Variants in CFAP263 observed in about 807,000 individuals in gnomAD.
CFAP263 encodes the protein cilia and flagella associated protein 263.
chr16:58,282,063 C>A, the CFAP263 span: 1 of 147,622 alleles, frequency 6.8e-6, no homozygotes, highest in Admixed American at 6.9e-5. Flanking sequence ...TGCTGGAGTG[C>A]AGTGGCATGA....
chr16:58,249,954 G>C, the CFAP263 span: 17 of 1,162,860 alleles, frequency 1.5e-5, no homozygotes, highest in South Asian at 2.1e-4. Context: ...AGTGACGCGT[G>C]GCCGCCGGCA....
the CFAP263 span, chr16:58,258,320 T>C: frequency 6.3e-7 from 1 of 1,586,486 alleles, no homozygotes; most frequent in African/African-American, 1.4e-5. Flanking sequence ...AGACACATCC[T>C]TGAAGATTGC....
chr16:58,253,124 T>TC, the CFAP263 span, among the ~76,000 whole-genome samples: 5 of 152,202 alleles, frequency 3.3e-5, no homozygotes, highest in Non-Finnish European at 7.3e-5. Flanking sequence ...CTTAGGCCTG[T>TC]CCCAGTGCTT....
the CFAP263 span, chr16:58,252,849 C>G: frequency 6.2e-7 from 1 of 1,613,588 alleles, no homozygotes; most frequent in Non-Finnish European, 8.5e-7. Flanking sequence ...GCAGATTATG[C>G]ACAGGTACAC....
the CFAP263 span, chr16:58,258,278 C>A: frequency 1.7e-6 from 2 of 1,157,510 alleles, no homozygotes; most frequent in Non-Finnish European, 2.5e-6. Context: ...TTTTGGGACA[C>A]AAAGAGGCCT....
At chr16:58,259,424 G>C in the CFAP263 span, among the ~76,000 whole-genome samples, 1 of 152,116 alleles carries the variant, frequency 6.6e-6, no homozygotes, top group Admixed American at 6.6e-5. Flanking sequence ...AGGAGAATTT[G>C]GGGGGTAACC....
At chr16:58,266,387 A>ATATATG in the CFAP263 span, among the ~76,000 whole-genome samples, 2 of 29,906 alleles carry the variant, frequency 6.7e-5, no homozygotes, top group South Asian at 2.5e-3. Flanking sequence ...ATATATATAT[A>ATATATG]TATATATATA....
chr16:58,258,671 T>G, the CFAP263 span: 16 of 684,130 alleles, frequency 2.3e-5, no homozygotes, highest in Non-Finnish European at 4.0e-5. Flanking sequence ...TGAAAGTGTA[T>G]GTGTATATGC....
At chr16:58,250,100 T>C in the CFAP263 span, 6 of 1,584,090 alleles carry the variant, frequency 3.8e-6, no homozygotes, top group Middle Eastern at 5.0e-4. Flanking sequence ...CTGTGCGGGC[T>C]GGTGGAGGAG....
chr16:58,280,902 A>G, the CFAP263 span: 1 of 714,868 alleles, frequency 1.4e-6, no homozygotes, highest in Non-Finnish European at 2.2e-6. Flanking sequence ...ACAATTTCAA[A>G]TCTAGGCAGC....
the CFAP263 span, among the ~76,000 whole-genome samples, chr16:58,252,094 A>G: frequency 2.0e-5 from 3 of 152,228 alleles, no homozygotes; most frequent in African/African-American, 7.2e-5. Context: ...GGTTGGGCAC[A>G]GTGGCTATTA....
the CFAP263 span, among the ~76,000 whole-genome samples, chr16:58,251,839 TGTA>T: frequency 6.6e-6 from 1 of 152,192 alleles, no homozygotes. Flanking sequence ...CATATGTGTG[TGTA>T]ACACACACAC....
chr16:58,278,799 G>T, the CFAP263 span, among the ~76,000 whole-genome samples: 4 of 151,820 alleles, frequency 2.6e-5, no homozygotes, highest in African/African-American at 9.7e-5. Flanking sequence ...AGGATGATTT[G>T]TTTTTTTTGA....
chr16:58,262,656 G>C, the CFAP263 span: 1 of 908,026 alleles, frequency 1.1e-6, no homozygotes, highest in South Asian at 2.3e-5. Flanking sequence ...CCCCCTCGCT[G>C]TCAAGCCATG....
the CFAP263 span, among the ~76,000 whole-genome samples, chr16:58,275,456 A>T: frequency 2.0e-5 from 3 of 152,162 alleles, no homozygotes; most frequent in African/African-American, 7.2e-5. Context: ...GTTGTTAAGG[A>T]TCTAAATCAA....
the CFAP263 span, chr16:58,260,058 ACTT>A: frequency 1.7e-6 from 1 of 602,206 alleles, no homozygotes; most frequent in Non-Finnish European, 2.9e-6. Flanking sequence ...GAATACATTA[ACTT>A]ACATGGCAAA....
chr16:58,272,593 A>T, the CFAP263 span, among the ~76,000 whole-genome samples: 1 of 152,224 alleles, frequency 6.6e-6, no homozygotes, highest in East Asian at 1.9e-4. Context: ...CAGTAAAGAT[A>T]CGGCATTATA....
the CFAP263 span, among the ~76,000 whole-genome samples, chr16:58,262,994 T>C: frequency 5.3e-5 from 8 of 152,346 alleles, no homozygotes; most frequent in East Asian, 1.5e-3. Flanking sequence ...GCTTAAAACC[T>C]TGCAAAAGAA....
the CFAP263 span, among the ~76,000 whole-genome samples, chr16:58,257,590 C>G: frequency 6.6e-6 from 1 of 151,694 alleles, no homozygotes; most frequent in East Asian, 1.9e-4. Context: ...CCATACCTGA[C>G]TTTATAATAT....
Sources: allele counts gnomAD v4.1 joint callset (sites outside exome capture counted in the v4.1 genomes callset), GRCh38; gene constraint gnomAD v4.1.1; transcripts MANE v1.5; gene names NCBI Gene and HGNC (gene_info 2026-07-23, HGNC 2026-07-21).